MEIS2: variants seen among roughly 807,000 people sequenced by gnomAD.
MEIS2 encodes homeobox protein Meis2.
Under a neutral mutation model 58.6 loss-of-function variants are expected in MEIS2, and 9 were observed. That is an observed-to-expected ratio of 0.15 (90% CI 0.09 to 0.27). The LOEUF is 0.27. Ranked by LOEUF, MEIS2 falls within the 10% of genes least tolerant of loss-of-function variation. The probability of loss-of-function intolerance (pLI) is 1.00; values close to 1 mark genes in which losing one functional copy is unlikely to be tolerated. For synonymous variants in MEIS2, 221 were observed against 228.4 expected (o/e 0.97, Z 0.29); for missense variants, 427 against 635.0 (o/e 0.67, Z 3.52).
Position 36,892,036 on chromosome 15 carries a change from C to T in MEIS2, c.*137G>A. The T allele has an allele frequency of 3.2e-6, 3 of 933,320 alleles. No homozygotes were observed. Among genetic ancestry groups the T allele is most frequent in the Non-Finnish European group, 5.0e-6 (3 of 599,950 alleles). 57.8% of individuals were successfully genotyped at this position (933,320 alleles called of 1,614,324 possible). A position where few individuals can be genotyped will look rare whatever the true frequency, so the allele number is the denominator to read the frequency against. ...TTCTTGTTGCATTGGTCCTCTGTTG[C>T]TTGATGAAAAATGACAAAAGTAAAA... On this transcript the variant is annotated 3_prime_UTR_variant, in exon 12 of 12. Coordinates refer to ENST00000561208, the MANE Select transcript of MEIS2 (RefSeq NM_170675.5).
chr15:37,094,649 G>C, intron 4 of MEIS2, 72 bp from the exon 5 acceptor site: 1 of 1,331,280 alleles, frequency 7.5e-7, no homozygotes, highest in Non-Finnish European at 1.1e-6. Context: ...TTGGGAGTGG[G>C]GTGAGGATGG....
chr15:37,045,185 T>C (rs188443131), intron 7 of MEIS2, among the ~76,000 whole-genome samples: 11 of 152,284 alleles, frequency 7.2e-5, no homozygotes, highest in Admixed American at 5.2e-4. Flanking sequence ...GAGAGAGTGC[T>C]AGGAGAGAGG....
At position 36,983,932 on chromosome 15, in the gene MEIS2, C is replaced by G. The variant is rs536164090; in HGVS notation, c.901-33532G>C. Among the ~76,000 whole-genome samples the G allele has an allele frequency of 2.0e-5, 3 of 151,488 alleles. No individual in the cohort carries two copies. In the East Asian group the frequency reaches 5.8e-4, roughly 29 times the overall value. On this transcript the variant is annotated intron_variant, in intron 8 of 11. Coordinates refer to ENST00000561208, the MANE Select transcript of MEIS2 (RefSeq NM_170675.5). ...ATGGGATTGTTTTCTTAATTTCTTT[C>G]TCTGTTCCTTGTTAATATATAGAAA...
At chr15:36,910,717 C>T (rs1041514870) in intron 9 of MEIS2, among the ~76,000 whole-genome samples, 14 of 152,142 alleles carry the variant, frequency 9.2e-5, no homozygotes, top group African/African-American at 3.1e-4. Context: ...ACCTTGACCC[C>T]TAAAATGTGC....
chr15:36,910,815 G>A (rs1016149529), intron 9 of MEIS2, among the ~76,000 whole-genome samples: 2 of 152,156 alleles, frequency 1.3e-5, no homozygotes, highest in Non-Finnish European at 2.9e-5. Context: ...GGGAGGCCTA[G>A]GCGGGCGGAT....
At chr15:36,957,356 A>G (rs1256501971) in intron 8 of MEIS2, among the ~76,000 whole-genome samples, 2 of 152,196 alleles carry the variant, frequency 1.3e-5, no homozygotes, top group African/African-American at 2.4e-5. Context: ...AAAATAATAC[A>G]AAAACTATTG....
chr15:36,947,172 A>G (rs186540509), intron 9 of MEIS2, among the ~76,000 whole-genome samples: 1 of 152,092 alleles, frequency 6.6e-6, no homozygotes, highest in East Asian at 1.9e-4. Context: ...TGATTTATGG[A>G]CTTCCAAGAG....
intron 9 of MEIS2, among the ~76,000 whole-genome samples, chr15:36,946,046 A>C (rs1390036361): frequency 6.6e-6 from 1 of 152,012 alleles, no homozygotes; most frequent in East Asian, 1.9e-4. Context: ...AAATAGGAAC[A>C]TTTAAGTTAA....
intron 9 of MEIS2, among the ~76,000 whole-genome samples, chr15:36,917,341 A>C (rs1332577833): frequency 6.6e-6 from 1 of 152,124 alleles, no homozygotes; most frequent in African/African-American, 2.4e-5. Context: ...AAAACATAGA[A>C]TGTGCATGGA....
chr15:36,951,655 G>A (rs975083349), intron 8 of MEIS2, among the ~76,000 whole-genome samples: 1 of 152,132 alleles, frequency 6.6e-6, no homozygotes, highest in African/African-American at 2.4e-5. Flanking sequence ...AACTAGATTT[G>A]TATTAATATA....
chr15:37,020,234 T>A (rs1005261691), intron 8 of MEIS2, among the ~76,000 whole-genome samples: 4 of 151,734 alleles, frequency 2.6e-5, no homozygotes, highest in Non-Finnish European at 5.9e-5. Flanking sequence ...TGAGGAGGGG[T>A]CAAGAGCACA....
intron 7 of MEIS2, among the ~76,000 whole-genome samples, chr15:37,073,357 A>C (rs1890961379): frequency 6.6e-6 from 1 of 151,900 alleles, no homozygotes; most frequent in Non-Finnish European, 1.5e-5. Context: ...GCCATGTGTA[A>C]GAGTTACTTG....
rs950044089 is a variant in MEIS2 at position 36,889,730 on chromosome 15, G to C, written c.*2443C>G. 1 of 152,288 alleles carries C rather than the reference G, an allele frequency of 6.6e-6. No individual in the cohort carries two copies. The highest frequency in any genetic ancestry group is 2.4e-5 in the African/African-American group (1 of 41,556). The allele number at this position is 152,288 out of a possible 1,614,324, so 9.4% of individuals were successfully genotyped here. Reference sequence around the variant, plus strand: ...GAAAAAAAGGTTCTTTTTCCCACCTGATGTGAGAGTTGATTTATAATGGGG... The same window carrying C: ...GAAAAAAAGGTTCTTTTTCCCACCTCATGTGAGAGTTGATTTATAATGGGG... On this transcript the variant is annotated 3_prime_UTR_variant, in exon 12 of 12. Transcript: ENST00000561208.
chr15:37,057,093 G>C (rs1241650170), intron 7 of MEIS2, among the ~76,000 whole-genome samples: 3 of 152,188 alleles, frequency 2.0e-5, no homozygotes, highest in Non-Finnish European at 4.4e-5. Context: ...TCATTACATG[G>C]AGTCAAATCC....
In MEIS2 at chr15:37,071,936, A is replaced by ATACTTCAAACACATGGCAGGGAAAAAG. The variant is rs1416119815; in HGVS notation, c.754+11808_754+11834dup. The stretch of plus-strand genomic sequence containing the variant: ...CTTCTCTACTGGTTGGTAGATATGC[A>ATACTTCAAACACATGGCAGGGAAAAAG]TACTTCAAACACATGGCAGGGAAAA... On this transcript the variant is annotated intron_variant, in intron 7 of 11. Coordinates refer to ENST00000561208, the MANE Select transcript of MEIS2 (RefSeq NM_170675.5). 3.3e-5 allele frequency among the ~76,000 whole-genome samples: 5 copies of ATACTTCAAACACATGGCAGGGAAAAAG among 152,228 alleles called. No homozygotes were observed. In the East Asian group the frequency reaches 9.7e-4, roughly 29 times the overall value.
chr15:37,082,251 C>T (rs1240682061), intron 7 of MEIS2, among the ~76,000 whole-genome samples: 3 of 152,156 alleles, frequency 2.0e-5, no homozygotes, highest in Non-Finnish European at 2.9e-5. Flanking sequence ...CTGAGCAAAG[C>T]GAAAGGTCAA....
intron 9 of MEIS2, among the ~76,000 whole-genome samples, chr15:36,949,031 T>G (rs1294443337): frequency 6.6e-6 from 1 of 152,034 alleles, no homozygotes; most frequent in Non-Finnish European, 1.5e-5. Context: ...AACTCAATTT[T>G]CTGCTTCTGT....
chr15:37,073,101 T>C (rs1890926778), intron 7 of MEIS2, among the ~76,000 whole-genome samples: 1 of 152,074 alleles, frequency 6.6e-6, no homozygotes, highest in African/African-American at 2.4e-5. Context: ...AAATGTTCAA[T>C]GAAGAGAATA....
chr15:37,067,255 A>G (rs1224746405), intron 7 of MEIS2, among the ~76,000 whole-genome samples: 1 of 151,834 alleles, frequency 6.6e-6, no homozygotes, highest in Non-Finnish European at 1.5e-5. Flanking sequence ...ATGTCTGGCT[A>G]ATTTTTGTAT....
Sources: gnomAD v4.1 joint callset for allele counts (sites outside exome capture counted in the v4.1 genomes callset) on GRCh38, gnomAD v4.1.1 for gene constraint, MANE v1.5 for transcripts, NCBI Gene and HGNC (gene_info 2026-07-23, HGNC 2026-07-21) for gene names.